DLGAP2: variants seen among roughly 807,000 people sequenced by gnomAD.
DLGAP2 encodes the protein disks large-associated protein 2.
DLGAP2 carries 26 observed loss-of-function variants against 100.3 expected under a neutral mutation model. That is an observed-to-expected ratio of 0.26 (90% CI 0.19 to 0.36). DLGAP2 has a LOEUF of 0.36. Ranked by LOEUF, DLGAP2 falls within the 10% of genes least tolerant of loss-of-function variation. The pLI is 1.00. For missense variants in DLGAP2, 1,858 were observed against 1,453.2 expected, an observed-to-expected ratio of 1.28 and a Z score of -4.53; for synonymous variants, 886 against 630.1, an observed-to-expected ratio of 1.41 and a Z score of -6.08.
chr8:1,368,972 T>A (rs1802174240), intron 3 of DLGAP2: 2 of 152,186 alleles, frequency 1.3e-5, no homozygotes, highest in Non-Finnish European at 2.9e-5. Context: ...CCGCACATAC[T>A]AGGTGTCACC....
chr8:1,512,579 C>T (rs995497023), intron 4 of DLGAP2, among the ~76,000 whole-genome samples: 2 of 152,052 alleles, frequency 1.3e-5, no homozygotes, highest in African/African-American at 2.4e-5. Context: ...TCACAGCAGC[C>T]TGCCGCAGCA....
At chr8:751,362 G>T (rs1272211270) in intron 1 of DLGAP2, among the ~76,000 whole-genome samples, 1 of 152,236 alleles carries the variant, frequency 6.6e-6, no homozygotes, top group African/African-American at 2.4e-5. Flanking sequence ...CTCGTGGAAA[G>T]GAGCGTTTTC....
chr8:1,334,449 G>A (rs1336870877), intron 3 of DLGAP2, among the ~76,000 whole-genome samples: 2 of 152,198 alleles, frequency 1.3e-5, no homozygotes, highest in South Asian at 2.1e-4. Context: ...TGTGCTGTGG[G>A]AACGTGCTGT....
intron 2 of DLGAP2, among the ~76,000 whole-genome samples, chr8:1,069,390 T>C (rs1045515630): frequency 6.6e-6 from 1 of 152,114 alleles, no homozygotes; most frequent in Non-Finnish European, 1.5e-5. Context: ...GGCCGGCTTC[T>C]CCCATGCCCT....
intron 2 of DLGAP2, among the ~76,000 whole-genome samples, chr8:1,116,771 A>G (rs1035375817): frequency 3.9e-5 from 6 of 152,142 alleles, no homozygotes; most frequent in African/African-American, 1.2e-4. Flanking sequence ...ACTGCACTCC[A>G]GCCTAGGTGA....
At chr8:742,453 A>G (rs1435398506) in intron 1 of DLGAP2, among the ~76,000 whole-genome samples, 1 of 152,202 alleles carries the variant, frequency 6.6e-6, no homozygotes, top group Non-Finnish European at 1.5e-5. Context: ...GTTAGGCGGT[A>G]TTGAAAAACA....
chr8:1,133,433 A>C (rs1453722473), intron 2 of DLGAP2, among the ~76,000 whole-genome samples: 2 of 152,280 alleles, frequency 1.3e-5, no homozygotes, highest in East Asian at 3.9e-4. Flanking sequence ...TATATGAATA[A>C]AAATATATAT....
intron 2 of DLGAP2, among the ~76,000 whole-genome samples, chr8:1,156,681 C>A (rs1044278367): frequency 1.8e-5 from 2 of 109,270 alleles, no homozygotes; most frequent in Non-Finnish European, 3.9e-5. Context: ...GCGTCCCAGC[C>A]CAGCACCCCA....
At chr8:1,120,596 A>C (rs536248903) in intron 2 of DLGAP2, among the ~76,000 whole-genome samples, 1 of 151,170 alleles carries the variant, frequency 6.6e-6, no homozygotes, top group Non-Finnish European at 1.5e-5. Flanking sequence ...ATGACCACCC[A>C]TCCTTGCCCA....
intron 2 of DLGAP2, among the ~76,000 whole-genome samples, chr8:1,237,499 C>A (rs1347967904): frequency 5.0e-5 from 7 of 139,576 alleles, no homozygotes; most frequent in African/African-American, 8.3e-5. Flanking sequence ...TCACACATAG[C>A]GTCATGTCTA....
At chr8:777,811 A>G (rs1267186400) in intron 1 of DLGAP2, among the ~76,000 whole-genome samples, 2 of 152,072 alleles carry the variant, frequency 1.3e-5, no homozygotes, top group Non-Finnish European at 2.9e-5. Flanking sequence ...ACTTTGGTGA[A>G]TCTGACAGTT....
chr8:1,128,160 GGTGTTGTGTTCCGTGAGGACCTGCTCCCC>G (rs1796211324), intron 2 of DLGAP2, among the ~76,000 whole-genome samples: 1 of 150,132 alleles, frequency 6.7e-6, no homozygotes, highest in Non-Finnish European at 1.5e-5. Flanking sequence ...ACCTGCTCCC[GGTGTTGTGTTCCGTGAGGACCTGCTCCCC>G]GTGTTGTGTT....
intron 3 of DLGAP2, among the ~76,000 whole-genome samples, chr8:1,476,852 C>T (rs540117280): frequency 2.6e-5 from 4 of 151,978 alleles, no homozygotes; most frequent in Non-Finnish European, 4.4e-5. Flanking sequence ...TCTGCAGACC[C>T]ACCCGTGATG....
chr8:1,634,277 A>G (rs944249561), intron 8 of DLGAP2, among the ~76,000 whole-genome samples: 1 of 151,748 alleles, frequency 6.6e-6, no homozygotes, highest in Non-Finnish European at 1.5e-5. Flanking sequence ...TGTGCTTTTT[A>G]TGTGGTAGAT....
intron 2 of DLGAP2, among the ~76,000 whole-genome samples, chr8:1,069,278 C>G (rs571349744): frequency 1.3e-5 from 2 of 152,066 alleles, no homozygotes; most frequent in African/African-American, 2.4e-5. Context: ...CCAGCTGGGC[C>G]GGACAGAGCT....
chr8:1,390,054 C>T (rs916168945), intron 3 of DLGAP2, among the ~76,000 whole-genome samples: 13 of 152,178 alleles, frequency 8.5e-5, no homozygotes, highest in Admixed American at 7.9e-4. Flanking sequence ...GCAGGAAAAA[C>T]TTAACAGGCT....
At chr8:1,031,928 T>G (rs1801985498) in intron 2 of DLGAP2, among the ~76,000 whole-genome samples, 1 of 152,216 alleles carries the variant, frequency 6.6e-6, no homozygotes, top group Admixed American at 6.5e-5. Flanking sequence ...TCTTTGGTCC[T>G]GAACAAGCGA....
At chr8:902,456 G>A (rs1798272655) in intron 1 of DLGAP2, among the ~76,000 whole-genome samples, 2 of 149,068 alleles carry the variant, frequency 1.3e-5, no homozygotes, top group African/African-American at 5.0e-5. Flanking sequence ...GCGTGTGCAA[G>A]GTTTGAGCCC....
chr8:1,337,166 GTGA>G (rs1373988697), intron 3 of DLGAP2, among the ~76,000 whole-genome samples: 239 of 136,140 alleles, frequency 1.8e-3, no homozygotes, highest in South Asian at 4.4e-3. Flanking sequence ...GATGATGGTG[GTGA>G]TGATGATGAT....
Sources: gnomAD v4.1 joint callset for allele counts (sites outside exome capture counted in the v4.1 genomes callset) on GRCh38, gnomAD v4.1.1 for gene constraint, MANE v1.5 for transcripts, NCBI Gene and HGNC (gene_info 2026-07-23, HGNC 2026-07-21) for gene names.